Variants in DRP2 observed in about 807,000 individuals in gnomAD.
DRP2 encodes the protein dystrophin related protein 2, also known as dystrophin-related protein 2.
Under a neutral mutation model 78.2 loss-of-function variants are expected in DRP2, and 29 were observed. The ratio of observed to expected loss-of-function variants is 0.37; its 90% CI spans 0.28 to 0.51. The LOEUF is 0.51. Among genes scored for constraint, DRP2 ranks in the 20% least tolerant of loss-of-function variants. The pLI, the probability that DRP2 is intolerant of heterozygous loss-of-function variation, is 0.94. For synonymous variants in DRP2, 290 were observed against 281.9 expected (o/e 1.03, Z -0.29); for missense variants, 686 against 770.6 (o/e 0.89, Z 1.30).
chrX:101,222,446 T>C (rs1246245702), intron 1 of DRP2, among the ~76,000 whole-genome samples: 1 of 112,338 alleles, frequency 8.9e-6, no homozygotes, highest in East Asian at 2.8e-4. Context: ...ATCATATTGT[T>C]TTCCTTCCCA....
At chrX:101,255,992 T>C in intron 20 of DRP2, 126 bp from the exon 21 acceptor site, 1 of 904,950 alleles carries the variant, frequency 1.1e-6, no homozygotes, top group Non-Finnish European at 1.5e-6. Flanking sequence ...GTATATGTCC[T>C]TTCCCTCTCG....
intron 19 of DRP2, 103 bp downstream of exon 19, chrX:101,255,027 G>T (rs1602934477): frequency 2.7e-6 from 3 of 1,091,543 alleles, no homozygotes; most frequent in East Asian, 3.0e-5. Context: ...GCCAGGGGAT[G>T]TGCACAGTGG....
At chrX:101,247,992 T>A (rs749159147) in intron 12 of DRP2, 97 bp from the exon 13 acceptor site, 27 of 771,167 alleles carry the variant, frequency 3.5e-5, no homozygotes, top group Middle Eastern at 4.0e-4. Flanking sequence ...GGAGATTGAG[T>A]CAAATTTGGT....
At chrX:101,248,971 A>G (rs761240380) in intron 14 of DRP2, among the ~76,000 whole-genome samples, 3 of 112,277 alleles carry the variant, frequency 2.7e-5, no homozygotes, top group African/African-American at 9.7e-5. Flanking sequence ...CCATGTCACT[A>G]GAGACTTCTT....
At chrX:101,260,382 G>A (rs1923506988) in intron 23 of DRP2, 115 bp from the exon 24 acceptor site, 1 of 1,028,342 alleles carries the variant, frequency 9.7e-7, no homozygotes, top group Non-Finnish European at 1.3e-6. Context: ...ATTGTGCTGG[G>A]AAGATGCAAA....
Position 101,241,951 on chromosome X carries a change from T to A in DRP2, c.828+15T>A. On this transcript the variant is annotated intron_variant, in intron 7 of 23. Transcript: ENST00000395209. ...AGGCTATTAAGGTATGCAAGCCCCCTCCCCTGACTACAGTCTACCCTGAGA... is the reference window on the plus strand; with the variant it reads ...AGGCTATTAAGGTATGCAAGCCCCCACCCCTGACTACAGTCTACCCTGAGA... 1 of 1,160,111 alleles carries A rather than the reference T, an allele frequency of 8.6e-7. No homozygotes were observed. The highest frequency in any genetic ancestry group is 1.2e-6 in the Non-Finnish European group (1 of 867,465).
intron 5 of DRP2, 83 bp downstream of exon 5, chrX:101,237,858 G>A: frequency 1.1e-6 from 1 of 944,519 alleles, no homozygotes; most frequent in Non-Finnish European, 1.4e-6. Flanking sequence ...CAGACACCCA[G>A]CTCTGCTGAG....
In DRP2 at chrX:101,231,641, G is replaced by A. The variant is rs1162806050; in HGVS notation, c.-7G>A. The A allele has an allele frequency of 5.8e-6, 7 of 1,204,732 alleles. No individual in the cohort carries two copies. Among genetic ancestry groups the A allele is most frequent in the Non-Finnish European group, 7.9e-6 (7 of 889,414 alleles). ...TATCCTCATCCCCCCCATGAGCCTT[G>A]GTTTTTATGCAACCTATGGTCATGC... On this transcript the variant is annotated 5_prime_UTR_variant, in exon 3 of 24. The change creates a premature stop within an existing upstream ORF in the 5' untranslated region. Coordinates refer to ENST00000395209, the MANE Select transcript of DRP2 (RefSeq NM_001939.3).
chrX:101,258,430 G>A lies in DRP2; in HGVS notation c.2512G>A (p.Glu838Lys), dbSNP rs1259966164. The A allele has an allele frequency of 5.0e-6, 6 of 1,206,406 alleles. No homozygotes were observed. Among genetic ancestry groups the A allele is most frequent in the Admixed American group, 2.2e-5 (1 of 45,492 alleles). Residue 838 changes from glutamate (E) to lysine (K), a missense_variant, in exon 22 of 24, where the codon GAG becomes AAG. Physicochemically the swap from Glu to Lys is moderately conservative, Grantham distance 56. Around this residue, in one of 2 missense-constraint regions of DRP2, gnomAD observed 423 missense variants for 531.5 expected, o/e 0.80. Coordinates refer to ENST00000395209, the MANE Select transcript of DRP2 (RefSeq NM_001939.3). ...TDHRNEELLA[E>K]ARILRQHKSR... The stretch of plus-strand genomic sequence containing the variant: ...CCACCGCAATGAGGAGCTTCTGGCC[G>A]AGGCCCGTATCCTTCGGCAACATAA...
chrX:101,222,350 A>G (rs1315026129), intron 1 of DRP2, among the ~76,000 whole-genome samples: 1 of 112,411 alleles, frequency 8.9e-6, no homozygotes, highest in East Asian at 2.8e-4. Flanking sequence ...AAAATAAAAA[A>G]CTGGAAGAAA....
chrX:101,250,328 GCT>G (rs1923086505), intron 14 of DRP2, 93 bp from the exon 15 acceptor site: 4 of 1,125,308 alleles, frequency 3.6e-6, no homozygotes, highest in Non-Finnish European at 4.9e-6. Flanking sequence ...CTCAGTCTGT[GCT>G]CTTTCCCTAT....
Position 101,249,787 on chromosome X carries a change from G to A in DRP2, c.1541-636G>A, listed in dbSNP as rs191780242. ...AGGAGGTTTGCTAAGGCTGAATTGG[G>A]ATGTGGAAGGGAACAGTCCTAGAAG... On this transcript the variant is annotated intron_variant, in intron 14 of 23. Coordinates refer to ENST00000395209, the MANE Select transcript of DRP2 (RefSeq NM_001939.3). Among the ~76,000 whole-genome samples the A allele has an allele frequency of 2.4e-3, 264 of 111,924 alleles. 1 individual carries two copies. Among genetic ancestry groups the A allele is most frequent in the Non-Finnish European group, 3.9e-3 (206 of 53,162 alleles).
intron 2 of DRP2, among the ~76,000 whole-genome samples, chrX:101,228,746 A>G (rs1435164472): frequency 9.0e-6 from 1 of 111,363 alleles, no homozygotes; most frequent in Non-Finnish European, 1.9e-5. Context: ...CGTCTCTACC[A>G]AAAATACAAA....
At chrX:101,245,319 T>G in intron 10 of DRP2, 69 bp from the exon 11 acceptor site, 1 of 1,030,354 alleles carries the variant, frequency 9.7e-7, no homozygotes, top group Non-Finnish European at 1.3e-6. Flanking sequence ...ACTTGAGTGG[T>G]GTGCACATCT....
intron 14 of DRP2, 133 bp from the exon 15 acceptor site, chrX:101,250,290 T>C: frequency 1.1e-6 from 1 of 884,741 alleles, no homozygotes; most frequent in Non-Finnish European, 1.6e-6. Context: ...GATAGACCTC[T>C]ATGTAGTCCA....
rs192599984 is a variant in DRP2 at position 101,249,494 on chromosome X, A to G, written c.1540+895A>G. Among the ~76,000 whole-genome samples the G allele has an allele frequency of 2.1e-3, 236 of 111,833 alleles. 2 individuals carry two copies. The highest frequency in any genetic ancestry group is 7.3e-3 in the African/African-American group (225 of 30,743). ...GAAACTGGGCTGGGCATGGTGGCTC[A>G]TGCATGTAATCCCAGCACTTTGGGA... On this transcript the variant is annotated intron_variant, in intron 14 of 23. Coordinates refer to ENST00000395209, the MANE Select transcript of DRP2 (RefSeq NM_001939.3).
At chrX:101,228,486 T>C (rs1442007937) in intron 2 of DRP2, among the ~76,000 whole-genome samples, 2 of 111,709 alleles carry the variant, frequency 1.8e-5, no homozygotes, top group Non-Finnish European at 3.8e-5. Context: ...ACACTGAGGC[T>C]CAGAGAGGTT....
chrX:101,247,019 A>G, intron 11 of DRP2, 71 bp from the exon 12 acceptor site: 1 of 1,020,859 alleles, frequency 9.8e-7, no homozygotes, highest in Non-Finnish European at 1.4e-6. Context: ...TGGTGGGTGT[A>G]AAATGGTATC....
In DRP2 at chrX:101,220,112, T is replaced by C. The variant is rs1975360195; in HGVS notation, c.-201T>C. ...CAGCCCCGGCCTCCCAGCTTACAGC[T>C]GCCGCCTGCTTCTCAGACCTGACGG... is the stretch of plus-strand genomic sequence containing the variant. On this transcript the variant is annotated 5_prime_UTR_variant, in exon 1 of 24. Transcript: ENST00000395209. The C allele has an allele frequency of 9.0e-6, 1 of 111,207 alleles. No homozygotes were observed. Among genetic ancestry groups the C allele is most frequent in the Non-Finnish European group, 1.9e-5 (1 of 53,073 alleles). 9.2% of individuals were successfully genotyped at this position (111,207 alleles called of 1,213,427 possible).
Sources: gnomAD v4.1 joint callset for allele counts (sites outside exome capture counted in the v4.1 genomes callset) on GRCh38, gnomAD v4.1.1 for gene constraint, gnomAD v4.1.1 regional missense constraint, MANE v1.5 for transcripts, NCBI Gene and HGNC (gene_info 2026-07-23, HGNC 2026-07-21) for gene names.